The following LYN variants were observed in gnomAD, a reference collection of about 807,000 sequenced individuals.
LYN encodes LYN proto-oncogene, Src family tyrosine kinase.
Under a neutral mutation model 65.0 loss-of-function variants are expected in LYN, and 12 were observed. The observed-to-expected ratio is 0.18, with a 90% confidence interval of 0.12 to 0.30. The LOEUF (loss-of-function observed/expected upper bound fraction) is 0.30, where lower values mean the gene tolerates loss of function less well. LYN is among the 10% of genes least tolerant of loss of function. The pLI, the probability that LYN is intolerant of heterozygous loss-of-function variation, is 1.00. For missense variants in LYN, 380 were observed against 623.2 expected, an observed-to-expected ratio of 0.61 and a Z score of 4.16; for synonymous variants, 222 against 221.2, an observed-to-expected ratio of 1.00 and a Z score of -0.03.
At chr8:55,898,653 G>A (rs549710469) in intron 1 of LYN, among the ~76,000 whole-genome samples, 1 of 152,262 alleles carries the variant, frequency 6.6e-6, no homozygotes, top group South Asian at 2.1e-4. Flanking sequence ...ATACAATTCA[G>A]TGATTTTTAG....
intron 1 of LYN, among the ~76,000 whole-genome samples, chr8:55,904,841 A>G (rs569605038): frequency 6.6e-6 from 1 of 152,306 alleles, no homozygotes; most frequent in South Asian, 2.1e-4. Flanking sequence ...GGTTCCCTAC[A>G]TTATTAGACT....
rs1361270961 is a variant in LYN at position 55,907,440 on chromosome 8, G to A, written c.-6+27337G>A. 5.3e-5 allele frequency among the ~76,000 whole-genome samples: 8 copies of A among 152,330 alleles called. No homozygotes were observed. In the East Asian group the frequency reaches 1.4e-3, roughly 26 times the overall value. ...GGGATGCCTTAGAAAGGAGCACCATGGGCCTGTGAGGTGTCAAGGAAGCTC... is the reference window on the plus strand; with the variant it reads ...GGGATGCCTTAGAAAGGAGCACCATAGGCCTGTGAGGTGTCAAGGAAGCTC... On this transcript the variant is annotated intron_variant, in intron 1 of 12. Coordinates refer to ENST00000519728, the MANE Select transcript of LYN (RefSeq NM_002350.4).
At chr8:55,884,967 A>G (rs547013263) in intron 1 of LYN, among the ~76,000 whole-genome samples, 1 of 152,296 alleles carries the variant, frequency 6.6e-6, no homozygotes, top group Admixed American at 6.5e-5. Flanking sequence ...CTCAGGATAC[A>G]GTTTTCCTTG....
In LYN at chr8:55,974,432, A is replaced by T. The variant is rs182554007; in HGVS notation, c.1050+4639A>T. On this transcript the variant is annotated intron_variant, in intron 10 of 12. Coordinates refer to ENST00000519728, the MANE Select transcript of LYN (RefSeq NM_002350.4). Reference sequence around the variant, plus strand: ...TAAGGTGGAAATTGGTAAAATGAGGAAGGTAGGAAAACTCTATCTAGGAAG... The same window carrying T: ...TAAGGTGGAAATTGGTAAAATGAGGTAGGTAGGAAAACTCTATCTAGGAAG... Among the ~76,000 whole-genome samples the T allele has an allele frequency of 2.0e-5, 3 of 152,314 alleles. No homozygotes were observed. In the East Asian group the frequency reaches 5.8e-4, roughly 29 times the overall value.
intron 2 of LYN, among the ~76,000 whole-genome samples, chr8:55,942,453 A>G (rs1027460527): frequency 3.4e-5 from 5 of 148,804 alleles, no homozygotes; most frequent in African/African-American, 1.2e-4. Context: ...GTATATATAT[A>G]TATATACACA....
At chr8:55,938,640 T>G (rs1378085334) in intron 1 of LYN, among the ~76,000 whole-genome samples, 3 of 152,260 alleles carry the variant, frequency 2.0e-5, no homozygotes, top group African/African-American at 7.2e-5. Context: ...GGTTTTATTT[T>G]ATTAACTTCA....
At chr8:55,969,649 T>C in intron 9 of LYN, 68 bp from the exon 10 acceptor site, 1 of 1,119,874 alleles carries the variant, frequency 8.9e-7, no homozygotes. Flanking sequence ...GTAATGATGA[T>C]GTGAATTTTG....
chr8:55,883,921 C>T (rs970954058), intron 1 of LYN, among the ~76,000 whole-genome samples: 1 of 152,024 alleles, frequency 6.6e-6, no homozygotes, highest in Non-Finnish European at 1.5e-5. Context: ...TTTCCTGATA[C>T]TTAAATTGTG....
intron 1 of LYN, among the ~76,000 whole-genome samples, chr8:55,927,609 C>T (rs961500833): frequency 5.9e-5 from 9 of 152,090 alleles, no homozygotes; most frequent in East Asian, 1.9e-4. Flanking sequence ...CAGAGGCAGG[C>T]GGATCACTTG....
Position 55,941,928 on chromosome 8 carries a change from A to C in LYN, c.69A>C (p.Pro23=). The change falls in exon 2 of 13, where the codon CCA becomes CCC. Residue 23 remains proline (P), a synonymous_variant. Coordinates refer to ENST00000519728, the MANE Select transcript of LYN (RefSeq NM_002350.4). Reference sequence around the variant, plus strand: ...ATGGAGTAGATTTGAAGACTCAACCAGTACGTAATACTGAAAGAACTATTT... The same window carrying C: ...ATGGAGTAGATTTGAAGACTCAACCCGTACGTAATACTGAAAGAACTATTT... The part of the protein sequence containing the change: ...SDDGVDLKTQ[P]VRNTERTIYV... The C allele has an allele frequency of 6.2e-7, 1 of 1,612,720 alleles. No individual in the cohort carries two copies. Among genetic ancestry groups the C allele is most frequent in the Non-Finnish European group, 8.5e-7 (1 of 1,178,862 alleles).
intron 1 of LYN, among the ~76,000 whole-genome samples, chr8:55,911,131 A>ATACATATATATGCGTGTATATATATG (rs1805599783): frequency 1.1e-4 from 1 of 9,164 alleles, no homozygotes; most frequent in Non-Finnish European, 1.8e-4. Context: ...ATATATACAC[A>ATACATATATATGCGTGTATATATATG]TACATATATA....
chr8:55,964,539 A>G (rs1299377976), intron 8 of LYN, among the ~76,000 whole-genome samples: 1 of 152,220 alleles, frequency 6.6e-6, no homozygotes, highest in African/African-American at 2.4e-5. Flanking sequence ...TGTATAATAC[A>G]TTTCTTTATT....
chr8:55,955,633 T>C (rs1333013376), intron 8 of LYN, among the ~76,000 whole-genome samples: 1 of 152,330 alleles, frequency 6.6e-6, no homozygotes, highest in Middle Eastern at 3.4e-3. Flanking sequence ...TTTCAAAATG[T>C]TTTTATCATC....
intron 1 of LYN, among the ~76,000 whole-genome samples, chr8:55,907,931 A>T (rs1805478027): frequency 6.6e-6 from 1 of 152,146 alleles, no homozygotes; most frequent in African/African-American, 2.4e-5. Context: ...ATATCTAAAT[A>T]AGAGACAGGG....
chr8:55,913,126 T>C (rs1026692347), intron 1 of LYN, among the ~76,000 whole-genome samples: 2 of 152,228 alleles, frequency 1.3e-5, no homozygotes, highest in East Asian at 1.9e-4. Flanking sequence ...AAAAACCTTT[T>C]TGCAAAAATC....
In LYN at chr8:56,011,752, T is replaced by C. The variant is rs571890585; in HGVS notation, c.*1642T>C. 1 of 186,806 alleles carries C rather than the reference T, an allele frequency of 5.4e-6. No individual in the cohort carries two copies. Among genetic ancestry groups the C allele is most frequent in the East Asian group, 8.7e-5 (1 of 11,506 alleles). The allele number at this position is 186,806 out of a possible 1,614,324, so 11.6% of individuals were successfully genotyped here. A position where few individuals can be genotyped will look rare whatever the true frequency, so the allele number is the denominator to read the frequency against. ...TTTTTTAAATGTCCTTTCTAAAATA[T>C]TCTAAAATTATTGATTCACAAGTGC... On this transcript the variant is annotated 3_prime_UTR_variant, in exon 13 of 13. Coordinates refer to ENST00000519728, the MANE Select transcript of LYN (RefSeq NM_002350.4).
intron 1 of LYN, among the ~76,000 whole-genome samples, chr8:55,911,102 T>TATATATAC (rs373111685): frequency 0.17 from 4,769 of 28,844 alleles, 1,963 homozygotes; most frequent in African/African-American, 0.59. Context: ...TATATATACA[T>TATATATAC]ACACGTATAT....
At chr8:55,965,637 C>A (rs1456128527) in intron 8 of LYN, among the ~76,000 whole-genome samples, 1 of 152,100 alleles carries the variant, frequency 6.6e-6, no homozygotes, top group Non-Finnish European at 1.5e-5. Context: ...ATTTTGGTGT[C>A]TTTTCTTCCA....
intron 1 of LYN, among the ~76,000 whole-genome samples, chr8:55,911,763 G>A (rs1805645647): frequency 1.3e-5 from 2 of 152,130 alleles, no homozygotes; most frequent in South Asian, 2.1e-4. Context: ...CGTGGAAAGG[G>A]CTTGCTGATG....
Sources: gnomAD v4.1 joint callset for allele counts (sites outside exome capture counted in the v4.1 genomes callset) on GRCh38, gnomAD v4.1.1 for gene constraint, MANE v1.5 for transcripts, NCBI Gene and HGNC (gene_info 2026-07-23, HGNC 2026-07-21) for gene names.